CLCN5: variants seen among roughly 807,000 people sequenced by gnomAD.
CLCN5 encodes the protein Cl-/H+ antiporter 5.
Under a neutral mutation model 54.0 loss-of-function variants are expected in CLCN5, and 17 were observed. The observed-to-expected ratio is 0.31, with a 90% CI of 0.22 to 0.47. The LOEUF is 0.47. Among genes scored for constraint, CLCN5 ranks in the 20% least tolerant of loss-of-function variants. The pLI is 1.00. For missense variants in CLCN5, 448 were observed against 646.7 expected (o/e 0.69, Z 3.33); for synonymous variants, 222 against 233.0 (o/e 0.95, Z 0.43).
intron 3 of CLCN5, among the ~76,000 whole-genome samples, chrX:49,958,881 C>G (rs1288578606): frequency 8.9e-6 from 1 of 111,857 alleles, no homozygotes; most frequent in Non-Finnish European, 1.9e-5. Flanking sequence ...TACTTGCTTG[C>G]TCGCTCGCTC....
chrX:50,084,338 T>C (rs1170626323), intron 9 of CLCN5, among the ~76,000 whole-genome samples: 2 of 112,112 alleles, frequency 1.8e-5, no homozygotes, highest in Admixed American at 9.4e-5. Context: ...TGAAACGTTG[T>C]TACGTGGTGC....
intron 4 of CLCN5, among the ~76,000 whole-genome samples, chrX:50,051,928 T>C (rs527355855): frequency 8.9e-6 from 1 of 111,905 alleles, no homozygotes; most frequent in Non-Finnish European, 1.9e-5. Context: ...CCCTTCAGGA[T>C]TTTTTTAGGA....
chrX:49,940,711 CA>C (rs1217191864), intron 3 of CLCN5, among the ~76,000 whole-genome samples: 1 of 111,965 alleles, frequency 8.9e-6, no homozygotes, highest in Non-Finnish European at 1.9e-5. Context: ...GGGCTTTATT[CA>C]AGCCTCTGCT....
At position 50,086,740 on chromosome X, in the gene CLCN5, G is replaced by A. The variant is rs782687340; in HGVS notation, c.1427G>A (p.Arg476His). The change falls in exon 11 of 15, where the codon CGT becomes CAT. Residue 476 changes from arginine (R) to histidine (H), a missense_variant. By Grantham distance (29) the Arg-to-His change is conservative. Transcript: ENST00000376091. ...TCCAAGCTCTGTGATTATGAGAACC[G>A]TTTCAACACAAGCAAAGGGGGTGAA... Reference protein sequence around the residue: ...DSSKLCDYENRFNTSKGGELP... With the variant: ...DSSKLCDYENHFNTSKGGELP... 6 of 1,211,295 alleles carry A rather than the reference G, an allele frequency of 5.0e-6. No individual in the cohort carries two copies. Among genetic ancestry groups the A allele is most frequent in the Admixed American group, 2.2e-5 (1 of 45,931 alleles).
In CLCN5 at chrX:49,956,759, G is replaced by A. The variant is rs144019720; in HGVS notation, c.16+31445G>A. Among the ~76,000 whole-genome samples the A allele has an allele frequency of 5.1e-3, 570 of 111,839 alleles. 4 individuals carry two copies. The highest frequency in any genetic ancestry group is 0.028 in the Middle Eastern group (6 of 213). On this transcript the variant is annotated intron_variant, in intron 3 of 14. Coordinates refer to ENST00000376091, the MANE Select transcript of CLCN5 (RefSeq NM_001127898.4). ...CTACATTATAATTATTATCTAACTT[G>A]TCCTTTCTATCTGCCACATCTTATC... is the stretch of plus-strand genomic sequence containing the variant.
intron 7 of CLCN5, among the ~76,000 whole-genome samples, chrX:50,078,851 C>G (rs1319249590): frequency 3.6e-5 from 4 of 112,088 alleles, no homozygotes; most frequent in Non-Finnish European, 5.6e-5. Context: ...GAGACGGAGT[C>G]TCACTCTGTC....
At chrX:50,035,144 A>G (rs1931930968) in intron 3 of CLCN5, among the ~76,000 whole-genome samples, 1 of 111,216 alleles carries the variant, frequency 9.0e-6, no homozygotes, top group African/African-American at 3.3e-5. Flanking sequence ...TGAAGTCTCT[A>G]GCTAGCAATC....
At chrX:49,928,554 G>A (rs1286005092) in intron 3 of CLCN5, among the ~76,000 whole-genome samples, 1 of 108,610 alleles carries the variant, frequency 9.2e-6, no homozygotes, top group Non-Finnish European at 1.9e-5. Flanking sequence ...GGTAATTTTA[G>A]GTTGTCCTTG....
intron 3 of CLCN5, among the ~76,000 whole-genome samples, chrX:49,963,558 CCTT>C (rs1210931999): frequency 1.8e-5 from 2 of 111,946 alleles, no homozygotes; most frequent in African/African-American, 6.5e-5. Context: ...GATATTTCCT[CCTT>C]CTTAATTCTG....
intron 3 of CLCN5, among the ~76,000 whole-genome samples, chrX:49,941,920 CTTTTTTTT>C (rs782574821): frequency 1.7e-5 from 1 of 60,568 alleles, no homozygotes; most frequent in African/African-American, 7.1e-5. Flanking sequence ...CAATCAGTAT[CTTTTTTTT>C]TTTTTTTTTT....
At chrX:49,935,092 A>T (rs1925871645) in intron 3 of CLCN5, among the ~76,000 whole-genome samples, 1 of 111,962 alleles carries the variant, frequency 8.9e-6, no homozygotes, top group South Asian at 3.7e-4. Context: ...TACCCCAGTA[A>T]TACACAATAA....
intron 11 of CLCN5, chrX:50,088,279 T>TG (rs1557194282): frequency 7.2e-6 from 1 of 138,622 alleles, no homozygotes; most frequent in Non-Finnish European, 1.4e-5. Context: ...CCATGAATCT[T>TG]GCATGTAGAG....
chrX:50,071,178 G>A (rs111707831), intron 5 of CLCN5, among the ~76,000 whole-genome samples: 12,329 of 109,691 alleles, frequency 0.11, 1,712 homozygotes, highest in African/African-American at 0.39. Flanking sequence ...GTTTTCTCAC[G>A]ACCACCTGAA....
chrX:49,943,629 A>G (rs1326450120), intron 3 of CLCN5, among the ~76,000 whole-genome samples: 1 of 109,605 alleles, frequency 9.1e-6, no homozygotes, highest in Non-Finnish European at 1.9e-5. Flanking sequence ...ATGGCTAGCC[A>G]GTTTTCCCAG....
At chrX:49,978,912 G>A (rs782739858) in intron 3 of CLCN5, among the ~76,000 whole-genome samples, 14 of 111,288 alleles carry the variant, frequency 1.3e-4, no homozygotes, top group African/African-American at 4.6e-4. Context: ...GGAGGGGATA[G>A]CATGATTAAA....
intron 3 of CLCN5, among the ~76,000 whole-genome samples, chrX:49,956,600 A>G (rs1927334113): frequency 8.9e-6 from 1 of 111,945 alleles, no homozygotes; most frequent in Non-Finnish European, 1.9e-5. Flanking sequence ...CACAGAGGAA[A>G]GTATAACCCT....
intron 3 of CLCN5, among the ~76,000 whole-genome samples, chrX:50,031,481 C>T (rs1300486297): frequency 9.0e-6 from 1 of 110,904 alleles, no homozygotes; most frequent in African/African-American, 3.3e-5. Flanking sequence ...TTTAGGGGGT[C>T]TTTAAGGTCA....
chrX:50,013,550 C>T (rs1224130057), intron 3 of CLCN5, among the ~76,000 whole-genome samples: 3 of 111,858 alleles, frequency 2.7e-5, no homozygotes, highest in Non-Finnish European at 1.9e-5. Flanking sequence ...TATGAATACA[C>T]ATGCTCACAT....
intron 3 of CLCN5, among the ~76,000 whole-genome samples, chrX:49,945,618 T>G (rs1244793439): frequency 9.7e-6 from 1 of 102,670 alleles, no homozygotes; most frequent in East Asian, 3.0e-4. Context: ...TTTTTTTTTT[T>G]TTTTTTTTTG....
Sources: allele counts gnomAD v4.1 joint callset (sites outside exome capture counted in the v4.1 genomes callset), GRCh38; gene constraint gnomAD v4.1.1; transcripts MANE v1.5; gene names NCBI Gene and HGNC (gene_info 2026-07-23, HGNC 2026-07-21).